Variants in SRSF6 observed in about 807,000 individuals in gnomAD.
SRSF6 encodes serine and arginine rich splicing factor 6.
A neutral mutation model predicts 42.0 loss-of-function variants in SRSF6; 17 were observed. The observed-to-expected ratio is 0.40, with a 90% CI of 0.28 to 0.61. The LOEUF (loss-of-function observed/expected upper bound fraction) is 0.61. Among genes scored for constraint, SRSF6 ranks in the 20% least tolerant of loss-of-function variants. The probability of loss-of-function intolerance (pLI) is 0.37; values close to 1 mark genes in which losing one functional copy is unlikely to be tolerated. For missense variants in SRSF6, 379 were observed against 471.4 expected (o/e 0.80, Z 1.81); for synonymous variants, 204 against 166.7 (o/e 1.22, Z -1.72).
Position 43,463,537 on chromosome 20 carries a change from A to G in SRSF6, c.*2474A>G, listed in dbSNP as rs1403643298. ...ACTTTTACGTTCCCATTCCTGTGTT[A>G]CCACCTTCCTCCCGATTTGTTCACC... On this transcript the variant is annotated 3_prime_UTR_variant, in exon 6 of 6. Coordinates refer to ENST00000244020, the MANE Select transcript of SRSF6 (RefSeq NM_006275.6). 2 of 152,796 alleles carry G rather than the reference A, an allele frequency of 1.3e-5. No homozygotes were observed. Among genetic ancestry groups the G allele is most frequent in the Non-Finnish European group, 2.9e-5 (2 of 68,186 alleles). 9.5% of individuals were successfully genotyped at this position (152,796 alleles called of 1,614,324 possible). A position where few individuals can be genotyped will look rare whatever the true frequency, so the allele number is the denominator to read the frequency against.
chr20:43,457,939 G>C lies in SRSF6; in HGVS notation c.-95G>C, dbSNP rs1466514244. The stretch of plus-strand genomic sequence containing the variant: ...GCCGCCCCTGTGGTGTGAGGCGCGT[G>C]TTCGGGCTCTTGCCGTCCCCGCACC... On this transcript the variant is annotated 5_prime_UTR_variant, in exon 1 of 6. Coordinates refer to ENST00000244020, the MANE Select transcript of SRSF6 (RefSeq NM_006275.6). 9 of 1,056,444 alleles carry C rather than the reference G, an allele frequency of 8.5e-6. No homozygotes were observed. The highest frequency in any genetic ancestry group is 1.4e-5 in the South Asian group (1 of 73,460). The allele number at this position is 1,056,444 out of a possible 1,614,324, so 65.4% of individuals were successfully genotyped here.
Position 43,461,148 on chromosome 20 carries a change from G to A in SRSF6, c.*85G>A, listed in dbSNP as rs991413485. On this transcript the variant is annotated 3_prime_UTR_variant, in exon 6 of 6. Transcript: ENST00000244020. ...TCCATGTTTATACTTGGCCTCTTCTGCAAGAGGAATCTCTTGAAAACAGGG... is the reference window on the plus strand; with the variant it reads ...TCCATGTTTATACTTGGCCTCTTCTACAAGAGGAATCTCTTGAAAACAGGG... 1.8e-5 allele frequency: 26 copies of A among 1,451,110 alleles called. No individual in the cohort carries two copies. Among genetic ancestry groups the A allele is most frequent in the Non-Finnish European group, 2.4e-5 (26 of 1,103,996 alleles). The allele number at this position is 1,451,110 out of a possible 1,614,324, so 89.9% of individuals were successfully genotyped here. A position where few individuals can be genotyped will look rare whatever the true frequency, so the allele number is the denominator to read the frequency against.
intron 1 of SRSF6, 31 bp downstream of exon 1, chr20:43,458,171 G>T (rs762158643): frequency 6.3e-7 from 1 of 1,595,300 alleles, no homozygotes; most frequent in South Asian, 1.1e-5. Context: ...CGCGCCCAGC[G>T]TCCCAGGCCT....
chr20:43,458,627 C>T (rs2017538844), intron 2 of SRSF6, 118 bp downstream of exon 2: 1 of 1,057,436 alleles, frequency 9.5e-7, no homozygotes, highest in South Asian at 1.9e-5. Context: ...CTTGGGTGTC[C>T]CCGAGCCCCG....
intron 2 of SRSF6, chr20:43,459,460 A>T (rs1410142634): frequency 5.6e-6 from 7 of 1,251,902 alleles, no homozygotes; most frequent in Non-Finnish European, 7.1e-6. Context: ...TTTTTGTAAA[A>T]TGTAGAAATG....
rs78307980 is a variant in SRSF6 at position 43,459,095 on chromosome 20, A to C, written c.256+586A>C. 1.8e-3 allele frequency: 2,443 copies of C among 1,338,238 alleles called. 34 individuals are homozygous for C. In the African/African-American group the frequency reaches 0.033, roughly 18 times the overall value. 82.9% of individuals were successfully genotyped at this position (1,338,238 alleles called of 1,614,324 possible). Reference sequence around the variant, plus strand: ...GGTTATGTTAAATGTTTGATGTTTAAATTGTTGCATGTTGAATTCAAACTT... The same window carrying C: ...GGTTATGTTAAATGTTTGATGTTTACATTGTTGCATGTTGAATTCAAACTT... On this transcript the variant is annotated intron_variant, in intron 2 of 5. Transcript: ENST00000244020.
At position 43,462,377 on chromosome 20, in the gene SRSF6, C is replaced by A. The variant is rs550741253; in HGVS notation, c.*1314C>A. 2 of 152,226 alleles carry A rather than the reference C, an allele frequency of 1.3e-5. No homozygotes were observed. Among genetic ancestry groups the A allele is most frequent in the Non-Finnish European group, 2.9e-5 (2 of 68,032 alleles). 9.4% of individuals were successfully genotyped at this position (152,226 alleles called of 1,614,324 possible). The stretch of plus-strand genomic sequence containing the variant: ...TTGAGAAGTGAATTAACCTTACATC[C>A]CTTTGTTCAGATACCTTAAAAGTTA... On this transcript the variant is annotated 3_prime_UTR_variant, in exon 6 of 6. Transcript: ENST00000244020.
Position 43,460,936 on chromosome 20 carries a change from C to G in SRSF6, c.908C>G (p.Ser303Trp). The part of the protein sequence containing the change: ...SRSRSQSRSN[S>W]PLPVPPSKAR... ...TCAAGGAGCCAGTCCCGTTCCAATT[C>G]GCCGCTACCTGTTCCACCCTCAAAG... The change falls in exon 6 of 6, where the codon TCG (serine) becomes TGG (tryptophan). Residue 303 changes from serine (S) to tryptophan (W), a missense_variant. This residue lies in a region of SRSF6 where 219 missense variants were observed against 216.1 expected (regional missense o/e 1.01). Transcript: ENST00000244020. 1.2e-6 allele frequency: 2 copies of G among 1,614,140 alleles called. No individual in the cohort carries two copies. Among genetic ancestry groups the G allele is most frequent in the South Asian group, 1.1e-5 (1 of 91,088 alleles).
chr20:43,458,237 G>C, intron 1 of SRSF6, 97 bp downstream of exon 1: 1 of 1,447,324 alleles, frequency 6.9e-7, no homozygotes. Flanking sequence ...GCGCCGCGTG[G>C]CAGGGCCTCA....
rs773720236 is a variant in SRSF6 at position 43,458,412 on chromosome 20, C to T, written c.159C>T (p.Tyr53=). 5.2e-6 allele frequency: 8 copies of T among 1,553,058 alleles called. No individual in the cohort carries two copies. The highest frequency in any genetic ancestry group is 3.7e-5 in the Admixed American group (2 of 54,458). The change falls in exon 2 of 6, where the codon TAC becomes TAT. Residue 53 remains tyrosine, a synonymous_variant. Coordinates refer to ENST00000244020, the MANE Select transcript of SRSF6 (RefSeq NM_006275.6). ...EDSRDADDAV[Y]ELNGKELCGE... is the part of the protein sequence containing the mutation. ...CCCGCGACGCCGACGACGCCGTTTA[C>T]GAGCTGAACGGCAAGGAGCTCTGCG...
intron 2 of SRSF6, chr20:43,459,517 AACTT>A: frequency 7.5e-7 from 1 of 1,330,326 alleles, no homozygotes; most frequent in Non-Finnish European, 9.7e-7. Context: ...TGTAAAATAA[AACTT>A]AGCGAGGTAA....
At position 43,457,996 on chromosome 20, in the gene SRSF6, T is replaced by C. The variant is rs764416592; in HGVS notation, c.-38T>C. 8.3e-6 allele frequency: 13 copies of C among 1,561,314 alleles called. No homozygotes were observed. The highest frequency in any genetic ancestry group is 2.2e-4 in the Middle Eastern group (1 of 4,524). On this transcript the variant is annotated 5_prime_UTR_variant, in exon 1 of 6. Transcript: ENST00000244020. ...GCGGTTACTGGCTTGCGGTCCGCCG[T>C]TCGACAACCAGCCCTTGGGTCCCCG...
Position 43,462,625 on chromosome 20 carries a change from G to C in SRSF6, c.*1562G>C, listed in dbSNP as rs1466176656. 1 of 152,120 alleles carries C rather than the reference G, an allele frequency of 6.6e-6. No individual in the cohort carries two copies. Among genetic ancestry groups the C allele is most frequent in the African/African-American group, 2.4e-5 (1 of 41,406 alleles). The allele number at this position is 152,120 out of a possible 1,614,324, so 9.4% of individuals were successfully genotyped here. A position where few individuals can be genotyped will look rare whatever the true frequency, so the allele number is the denominator to read the frequency against. On this transcript the variant is annotated 3_prime_UTR_variant, in exon 6 of 6. Coordinates refer to ENST00000244020, the MANE Select transcript of SRSF6 (RefSeq NM_006275.6). ...AATAATCCAGAAATATACCTAATAAGATTGAGTGAAAAATTTGAGTCAAAT... is the reference window on the plus strand; with the variant it reads ...AATAATCCAGAAATATACCTAATAACATTGAGTGAAAAATTTGAGTCAAAT...
At chr20:43,458,541 T>A (rs1272178647) in intron 2 of SRSF6, 32 bp downstream of exon 2, 2 of 1,439,354 alleles carry the variant, frequency 1.4e-6, no homozygotes, top group Admixed American at 5.7e-5. Context: ...TCCGCGCCCT[T>A]GGGGACCCTG....
At position 43,461,621 on chromosome 20, in the gene SRSF6, A is replaced by G. The variant is rs1426787608; in HGVS notation, c.*558A>G. The stretch of plus-strand genomic sequence containing the variant: ...GTTGATATCTGCCATTTGTGGAAAC[A>G]ACGTAAATTCTACTTAAGTGTAAAC... On this transcript the variant is annotated 3_prime_UTR_variant, in exon 6 of 6. Transcript: ENST00000244020. 6.6e-6 allele frequency: 1 copy of G among 152,576 alleles called. No homozygotes were observed. Among genetic ancestry groups the G allele is most frequent in the Non-Finnish European group, 1.5e-5 (1 of 68,040 alleles). 9.5% of individuals were successfully genotyped at this position (152,576 alleles called of 1,614,324 possible).
chr20:43,461,297 G>A lies in SRSF6; in HGVS notation c.*234G>A, dbSNP rs2017585903. 1 of 217,448 alleles carries A rather than the reference G, an allele frequency of 4.6e-6. No individual in the cohort carries two copies. The highest frequency in any genetic ancestry group is 7.8e-6 in the Non-Finnish European group (1 of 128,374). 13.5% of individuals were successfully genotyped at this position (217,448 alleles called of 1,614,324 possible). On this transcript the variant is annotated 3_prime_UTR_variant, in exon 6 of 6. Coordinates refer to ENST00000244020, the MANE Select transcript of SRSF6 (RefSeq NM_006275.6). Reference sequence around the variant, plus strand: ...ATAACTTTGATTTTATAGCTTTTGAGCTAACGTAACTTTTGTAAAGATTAA... The same window carrying A: ...ATAACTTTGATTTTATAGCTTTTGAACTAACGTAACTTTTGTAAAGATTAA...
intron 2 of SRSF6, 57 bp from the exon 3 acceptor site, chr20:43,459,714 G>A: frequency 6.2e-7 from 1 of 1,610,470 alleles, no homozygotes; most frequent in Non-Finnish European, 8.5e-7. Flanking sequence ...AACTTTCAAA[G>A]ACATTATGCG....
Position 43,463,184 on chromosome 20 carries a change from C to T in SRSF6, c.*2121C>T, listed in dbSNP as rs954798473. 6.5e-6 allele frequency: 1 copy of T among 154,558 alleles called. No individual in the cohort carries two copies. The highest frequency in any genetic ancestry group is 2.4e-5 in the African/African-American group (1 of 41,458). 9.6% of individuals were successfully genotyped at this position (154,558 alleles called of 1,614,324 possible). On this transcript the variant is annotated 3_prime_UTR_variant, in exon 6 of 6. Coordinates refer to ENST00000244020, the MANE Select transcript of SRSF6 (RefSeq NM_006275.6). ...AGGTCATTGTATAGGTAAATGCCTG[C>T]ACCCATAATTTTCTAGTAATAGCCA...
rs2017633345 is a variant in SRSF6, at chr20:43,463,170, T to C, written c.*2107T>C. On this transcript the variant is annotated 3_prime_UTR_variant, in exon 6 of 6. Coordinates refer to ENST00000244020, the MANE Select transcript of SRSF6 (RefSeq NM_006275.6). ...CTGCCACAGTAAGCAGGTCATTGTA[T>C]AGGTAAATGCCTGCACCCATAATTT... 1 of 154,370 alleles carries C rather than the reference T, an allele frequency of 6.5e-6. No homozygotes were observed. Among genetic ancestry groups the C allele is most frequent in the Non-Finnish European group, 1.5e-5 (1 of 68,206 alleles). The allele number at this position is 154,370 out of a possible 1,614,324, so 9.6% of individuals were successfully genotyped here. A position where few individuals can be genotyped will look rare whatever the true frequency, so the allele number is the denominator to read the frequency against.
Sources: allele counts gnomAD v4.1 joint callset, GRCh38; gene constraint gnomAD v4.1.1; regional missense constraint gnomAD v4.1.1; transcripts MANE v1.5; gene names NCBI Gene and HGNC (gene_info 2026-07-23, HGNC 2026-07-21).